LDLRAD4: variants seen among roughly 807,000 people sequenced by gnomAD.
LDLRAD4 encodes the protein low density lipoprotein receptor class A domain containing 4.
A neutral mutation model predicts 17.0 loss-of-function variants in LDLRAD4; 5 were observed. The ratio of observed to expected loss-of-function variants is 0.29; its 90% CI spans 0.15 to 0.62. The LOEUF (loss-of-function observed/expected upper bound fraction) is 0.62, where lower values mean the gene tolerates loss of function less well. Among genes scored for constraint, LDLRAD4 ranks in the 20% least tolerant of loss-of-function variants. The probability of loss-of-function intolerance (pLI) is 0.84; values close to 1 mark genes in which losing one functional copy is unlikely to be tolerated. For missense variants in LDLRAD4, 340 were observed against 424.7 expected, an observed-to-expected ratio of 0.80 and a Z score of 1.75; for synonymous variants, 168 against 171.8, an observed-to-expected ratio of 0.98 and a Z score of 0.17.
Position 13,652,354 on chromosome 18 carries a change from A to G in LDLRAD4, c.*6697A>G, listed in dbSNP as rs1002756882. On this transcript the variant is annotated 3_prime_UTR_variant, in exon 6 of 6. Coordinates refer to ENST00000359446, the Ensembl canonical transcript of LDLRAD4. ...TTGTATACTTGTCTAGTTTAAGGCTATTTTAAAATATGTACAATACTATTC... is the reference window on the plus strand; with the variant it reads ...TTGTATACTTGTCTAGTTTAAGGCTGTTTTAAAATATGTACAATACTATTC... 8.5e-5 allele frequency: 13 copies of G among 152,360 alleles called. No individual in the cohort carries two copies. The East Asian group carries it at 2.5e-3, about 29-fold the overall frequency. The allele number at this position is 152,360 out of a possible 1,614,324, so 9.4% of individuals were successfully genotyped here. A position where few individuals can be genotyped will look rare whatever the true frequency, so the allele number is the denominator to read the frequency against.
intron 1 of LDLRAD4, among the ~76,000 whole-genome samples, chr18:13,270,490 G>T (rs1184864252): frequency 6.6e-6 from 1 of 152,212 alleles, no homozygotes; most frequent in Non-Finnish European, 1.5e-5. Flanking sequence ...GCATTACCGC[G>T]TACAAGTGTA....
chr18:13,274,579 C>G (rs751459272), upstream of LDLRAD4, among the ~76,000 whole-genome samples: 1 of 152,114 alleles, frequency 6.6e-6, no homozygotes, highest in Non-Finnish European at 1.5e-5. Context: ...ACGATGATCA[C>G]GTTTGCTGAG....
chr18:13,312,025 C>T (rs960223954), intron 1 of LDLRAD4, among the ~76,000 whole-genome samples: 3 of 151,904 alleles, frequency 2.0e-5, no homozygotes, highest in Admixed American at 6.6e-5. Flanking sequence ...TTAGTAGAGA[C>T]GGGGTTTCAC....
intron 3 of LDLRAD4, chr18:13,561,281 G>T (rs969760478): frequency 6.6e-6 from 1 of 152,152 alleles, no homozygotes; most frequent in East Asian, 1.9e-4. Context: ...ATGGGCTTCC[G>T]TTAACTTATC....
intron 2 of LDLRAD4, among the ~76,000 whole-genome samples, chr18:13,418,087 G>A (rs978540858): frequency 1.3e-5 from 2 of 152,180 alleles, no homozygotes; most frequent in African/African-American, 2.4e-5. Context: ...CACTGCACCC[G>A]CACTGAGCCC....
chr18:13,355,021 C>T (rs1487233307), intron 1 of LDLRAD4, among the ~76,000 whole-genome samples: 1 of 152,200 alleles, frequency 6.6e-6, no homozygotes, highest in African/African-American at 2.4e-5. Context: ...CTTGTTTCCA[C>T]CCCATTTCTA....
intron 4 of LDLRAD4, among the ~76,000 whole-genome samples, chr18:13,636,247 A>G (rs2042070217): frequency 6.6e-6 from 1 of 152,108 alleles, no homozygotes; most frequent in Non-Finnish European, 1.5e-5. Flanking sequence ...CAAGTCCCGC[A>G]GTCTGTCCTG....
At chr18:13,480,022 G>T (rs1208070465) in intron 3 of LDLRAD4, among the ~76,000 whole-genome samples, 2 of 152,170 alleles carry the variant, frequency 1.3e-5, no homozygotes, top group Non-Finnish European at 2.9e-5. Context: ...TCAAAACTCA[G>T]CATAATCTTA....
intron 1 of LDLRAD4, among the ~76,000 whole-genome samples, chr18:13,288,449 A>G (rs2045758699): frequency 6.6e-6 from 1 of 152,242 alleles, no homozygotes; most frequent in Admixed American, 6.5e-5. Context: ...TTAGTTGCTA[A>G]TAGGACCAGA....
chr18:13,567,408 G>A (rs984700426), intron 3 of LDLRAD4, among the ~76,000 whole-genome samples: 1 of 152,202 alleles, frequency 6.6e-6, no homozygotes, highest in Non-Finnish European at 1.5e-5. Context: ...CAGTTCCTGA[G>A]GCCTGCTGCC....
chr18:13,506,681 T>A (rs897903883), intron 3 of LDLRAD4, among the ~76,000 whole-genome samples: 10 of 152,222 alleles, frequency 6.6e-5, no homozygotes, highest in Non-Finnish European at 1.3e-4. Context: ...TGGAAGAAGA[T>A]GCCATGTAGG....
rs952025913 is a variant in LDLRAD4, at chr18:13,621,512, C to T, written c.336+241C>T. 6.6e-6 allele frequency among the ~76,000 whole-genome samples: 1 copy of T among 152,224 alleles called. No individual in the cohort carries two copies. The highest frequency in any genetic ancestry group is 2.4e-5 in the African/African-American group (1 of 41,470). ...CCTGCGTGACCCCTCCCAGGTCTCC[C>T]CTGGATCTTTGCTGCCCGACGTGGC... On this transcript the variant is annotated intron_variant, in intron 4 of 5. Transcript: ENST00000359446. The surrounding 1 kb of genome is among the most constrained non-coding windows in gnomAD (Gnocchi z 5.5).
At chr18:13,294,201 C>T (rs1377929270) in intron 1 of LDLRAD4, among the ~76,000 whole-genome samples, 1 of 152,200 alleles carries the variant, frequency 6.6e-6, no homozygotes, top group Non-Finnish European at 1.5e-5. Context: ...TTAAGTTTAA[C>T]TCTGTAAAGT....
chr18:13,305,812 T>C (rs2046878091), intron 1 of LDLRAD4, among the ~76,000 whole-genome samples: 1 of 152,238 alleles, frequency 6.6e-6, no homozygotes, highest in Admixed American at 6.5e-5. Flanking sequence ...TTTGCACTTT[T>C]TGCAAAATAC....
At chr18:13,365,296 G>C (rs2083975850) in intron 1 of LDLRAD4, among the ~76,000 whole-genome samples, 1 of 152,174 alleles carries the variant, frequency 6.6e-6, no homozygotes, top group South Asian at 2.1e-4. Context: ...CGTTAACTAA[G>C]TCTGGGTGCT....
intron 1 of LDLRAD4, among the ~76,000 whole-genome samples, chr18:13,261,730 T>A (rs1567943612): frequency 2.0e-5 from 3 of 152,188 alleles, no homozygotes; most frequent in African/African-American, 7.2e-5. Context: ...AAAGACTTCA[T>A]CTATATTGAA....
intron 3 of LDLRAD4, among the ~76,000 whole-genome samples, chr18:13,595,298 A>G (rs2095081728): frequency 6.6e-6 from 1 of 151,970 alleles, no homozygotes; most frequent in Admixed American, 6.6e-5. Context: ...GTGTCTTATT[A>G]TAGAAGATTA....
intron 1 of LDLRAD4, among the ~76,000 whole-genome samples, chr18:13,253,280 C>T (rs1462003226): frequency 2.0e-5 from 3 of 152,086 alleles, no homozygotes; most frequent in African/African-American, 4.8e-5. Context: ...TCGCCCGGAG[C>T]CTTGCTGTGA....
intron 3 of LDLRAD4, among the ~76,000 whole-genome samples, chr18:13,533,031 C>T (rs1439127841): frequency 1.3e-5 from 2 of 152,206 alleles, no homozygotes; most frequent in Admixed American, 6.5e-5. Context: ...TTTCTTGCTT[C>T]GGGTTAGATA....
Sources: allele counts gnomAD v4.1 joint callset (sites outside exome capture counted in the v4.1 genomes callset), GRCh38; gene constraint gnomAD v4.1.1; non-coding constraint Gnocchi (gnomAD v3.1); transcripts MANE v1.5; gene names NCBI Gene and HGNC (gene_info 2026-07-23, HGNC 2026-07-21).